Variants in CARM1 observed in about 807,000 individuals in gnomAD.
The protein encoded by CARM1 is histone-arginine methyltransferase CARM1.
Under a neutral mutation model 72.7 loss-of-function variants are expected in CARM1, and 14 were observed. The ratio of observed to expected loss-of-function variants is 0.19; its 90% CI spans 0.13 to 0.30. CARM1 has a LOEUF of 0.30. Ranked by LOEUF, CARM1 falls within the 10% of genes least tolerant of loss-of-function variation. The pLI is 1.00. For missense variants in CARM1, 432 were observed against 833.7 expected, an observed-to-expected ratio of 0.52 and a Z score of 5.93; for synonymous variants, 333 against 345.5, an observed-to-expected ratio of 0.96 and a Z score of 0.40.
At chr19:10,908,012 C>T (rs1215872244) in intron 2 of CARM1, 27 bp from the exon 3 acceptor site, 2 of 1,502,946 alleles carry the variant, frequency 1.3e-6, no homozygotes, top group Non-Finnish European at 1.9e-6. Context: ...CTGACCGCCC[C>T]CCGGTGACTT....
chr19:10,873,930 C>T (rs1358491739), intron 1 of CARM1, among the ~76,000 whole-genome samples: 3 of 152,162 alleles, frequency 2.0e-5, no homozygotes, highest in Middle Eastern at 3.4e-3. Context: ...TGAGCCACCC[C>T]GCCCGGCCAG....
At chr19:10,907,441 TTTGTTTTTGTTTTTTAACGAGGCAGGGTC>T in intron 2 of CARM1, among the ~76,000 whole-genome samples, 1 of 152,036 alleles carries the variant, frequency 6.6e-6, no homozygotes, top group South Asian at 2.1e-4. Flanking sequence ...ATTTCATGTT[TTTGTTTTTGTTTTTTAACGAGGCAGGGTC>T]TTGTTATGTT....
chr19:10,898,490 T>G (rs1238472834), intron 1 of CARM1, among the ~76,000 whole-genome samples: 1 of 152,200 alleles, frequency 6.6e-6, no homozygotes, highest in African/African-American at 2.4e-5. Flanking sequence ...ACAGTGGTGC[T>G]TTTTGGATTT....
intron 2 of CARM1, among the ~76,000 whole-genome samples, chr19:10,907,622 G>A (rs1206316943): frequency 6.6e-6 from 1 of 152,148 alleles, no homozygotes; most frequent in Non-Finnish European, 1.5e-5. Flanking sequence ...CATTTGTCCA[G>A]TCCCCTCTTA....
chr19:10,919,557 G>A (rs370693782), intron 8 of CARM1, 38 bp from the exon 9 acceptor site: 207 of 1,477,992 alleles, frequency 1.4e-4, no homozygotes, highest in Non-Finnish European at 1.8e-4. Context: ...TGCTGGCCCT[G>A]GCGTCAGATG....
rs948700494 is a variant in CARM1 at position 10,912,914 on chromosome 19, A to G, written c.669+620A>G. Among the ~76,000 whole-genome samples the G allele has an allele frequency of 1.3e-5, 2 of 152,134 alleles. No individual in the cohort carries two copies. The highest frequency in any genetic ancestry group is 2.9e-5 in the Non-Finnish European group (2 of 68,024). On this transcript the variant is annotated intron_variant, in intron 5 of 15. Coordinates refer to ENST00000327064, the MANE Select transcript of CARM1 (RefSeq NM_199141.2). This position sits in a 1 kb window ranked among gnomAD's most constrained non-coding sequence, Gnocchi z 4.5. ...CTGCTGTCCTGAGCCCCTCTCCCAC[A>G]TGCGGTTGTGTCTGTAGGACACACC...
rs772199260 is a variant in CARM1 at position 10,909,150 on chromosome 19, G to A, written c.501G>A (p.Val167=). 1 of 1,613,842 alleles carries A rather than the reference G, an allele frequency of 6.2e-7. No individual in the cohort carries two copies. Among genetic ancestry groups the A allele is most frequent in the Non-Finnish European group, 8.5e-7 (1 of 1,179,860 alleles). The change falls in exon 4 of 16, where the codon GTG becomes GTA. Residue 167 remains valine (V), a synonymous_variant. Coordinates refer to ENST00000327064, the MANE Select transcript of CARM1 (RefSeq NM_199141.2). ...SQQQNMMQDY[V]RTGTYQRAIL... is the part of the protein sequence containing the mutation. ...AGCAGAACATGATGCAGGACTACGT[G>A]CGGACAGGCACCTACCAGCGCGCCA... is the stretch of plus-strand genomic sequence containing the variant.
At position 10,871,666 on chromosome 19, in the gene CARM1, AGCG is replaced by A. The variant is rs1374309221; in HGVS notation, c.-23_-21del. On this transcript the variant is annotated 5_prime_UTR_variant, in exon 1 of 16. Transcript: ENST00000327064. The surrounding 1 kb of genome is among the most constrained non-coding windows in gnomAD (Gnocchi z 5.6). ...GCGGCGGCGGCCTGGGCCCGGGCGC[AGCG>A]GCGGCGGCGGCGGGGCCTGGAGCCG... 165 of 444,344 alleles carry A rather than the reference AGCG, an allele frequency of 3.7e-4. No individual in the cohort carries two copies. The highest frequency in any genetic ancestry group is 1.2e-3 in the Middle Eastern group (1 of 856). The allele number at this position is 444,344 out of a possible 1,614,324, so 27.5% of individuals were successfully genotyped here. A position where few individuals can be genotyped will look rare whatever the true frequency, so the allele number is the denominator to read the frequency against.
chr19:10,907,462 G>A (rs2145225337), intron 2 of CARM1, among the ~76,000 whole-genome samples: 2 of 151,956 alleles, frequency 1.3e-5, no homozygotes, highest in South Asian at 4.2e-4. Context: ...TTTTTAACGA[G>A]GCAGGGTCTT....
intron 1 of CARM1, among the ~76,000 whole-genome samples, chr19:10,895,777 A>G (rs1190829710): frequency 6.6e-6 from 1 of 152,208 alleles, no homozygotes; most frequent in Non-Finnish European, 1.5e-5. Context: ...GGTCATGCCC[A>G]GAGCCCTGGA....
At chr19:10,917,609 C>T (rs373009399) in intron 8 of CARM1, among the ~76,000 whole-genome samples, 1 of 152,186 alleles carries the variant, frequency 6.6e-6, no homozygotes, top group Non-Finnish European at 1.5e-5. Context: ...CATTCTTTCT[C>T]CTTCTGGGAT....
At chr19:10,907,488 C>G (rs1260705367) in intron 2 of CARM1, among the ~76,000 whole-genome samples, 1 of 151,922 alleles carries the variant, frequency 6.6e-6, no homozygotes, top group Non-Finnish European at 1.5e-5. Flanking sequence ...GTTGCTCAGG[C>G]TGGTCTGGAA....
At chr19:10,898,935 G>C (rs1463399907) in intron 1 of CARM1, among the ~76,000 whole-genome samples, 2 of 152,208 alleles carry the variant, frequency 1.3e-5, no homozygotes, top group East Asian at 3.8e-4. Flanking sequence ...GTGTGTCCAT[G>C]GGGAGGGGCC....
rs778425894 is a variant in CARM1, at chr19:10,921,694, C to T, written c.1764C>T (p.Gly588=). 1.4e-5 allele frequency: 22 copies of T among 1,613,534 alleles called. No individual in the cohort carries two copies. The highest frequency in any genetic ancestry group is 1.9e-5 in the Non-Finnish European group (22 of 1,179,882). ...TCAACAGCCAGTTCACCATGGGCGGCCCCGCCATCTCCATGGCGTCGCCCA... is the reference window on the plus strand; with the variant it reads ...TCAACAGCCAGTTCACCATGGGCGGTCCCGCCATCTCCATGGCGTCGCCCA... The part of the protein sequence containing the change: ...YAVNSQFTMG[G]PAISMASPMS... The change falls in exon 16 of 16, where the codon GGC becomes GGT. Residue 588 remains glycine, a synonymous_variant. Coordinates refer to ENST00000327064, the MANE Select transcript of CARM1 (RefSeq NM_199141.2).
chr19:10,917,332 C>T (rs1334519785), intron 8 of CARM1, among the ~76,000 whole-genome samples: 1 of 152,016 alleles, frequency 6.6e-6, no homozygotes. Context: ...AAAAAATTAG[C>T]CAGACGTGGT....
chr19:10,915,304 G>A lies in CARM1; in HGVS notation c.848-1103G>A, dbSNP rs1447401783. Among the ~76,000 whole-genome samples the A allele has an allele frequency of 6.6e-6, 1 of 152,112 alleles. No individual in the cohort carries two copies. Among genetic ancestry groups the A allele is most frequent in the African/African-American group, 2.4e-5 (1 of 41,418 alleles). On this transcript the variant is annotated intron_variant, in intron 6 of 15. Transcript: ENST00000327064. This position sits in a 1 kb window ranked among gnomAD's most constrained non-coding sequence, Gnocchi z 4.6. ...GGGTGGGGACAGCCCCAGCAGAGAG[G>A]GCCCCTCCCGATGGGACATGAAGCC...
At chr19:10,919,819 T>G in intron 9 of CARM1, 58 bp from the exon 10 acceptor site, 1 of 1,523,654 alleles carries the variant, frequency 6.6e-7, no homozygotes, top group Non-Finnish European at 9.1e-7. Context: ...GCACCCCCTC[T>G]TCTCTCTCGG....
chr19:10,892,337 A>C (rs1167652585), intron 1 of CARM1, among the ~76,000 whole-genome samples: 2 of 152,236 alleles, frequency 1.3e-5, no homozygotes, highest in Non-Finnish European at 2.9e-5. Context: ...GTGCCCGTTC[A>C]GGGCCATGGC....
At position 10,871,589 on chromosome 19, in the gene CARM1, A is replaced by AGCGGCGGCGGCGGCGGCGGCGGCG. The variant is rs1184781686; in HGVS notation, c.-87_-64dup. On this transcript the variant is annotated 5_prime_UTR_variant, in exon 1 of 16. Coordinates refer to ENST00000327064, the MANE Select transcript of CARM1 (RefSeq NM_199141.2). This position sits in a 1 kb window ranked among gnomAD's most constrained non-coding sequence, Gnocchi z 5.6. Reference sequence around the variant, plus strand: ...CGGCGGCTGCGGCGGCGGTAGCGGCAGCGGCGGCGGCGGCGGCGGCGGCGG... The same window carrying AGCGGCGGCGGCGGCGGCGGCGGCG: ...CGGCGGCTGCGGCGGCGGTAGCGGCAGCGGCGGCGGCGGCGGCGGCGGCGGCGGCGGCGGCGGCGGCGGCGGCGG... 1.8e-3 allele frequency: 216 copies of AGCGGCGGCGGCGGCGGCGGCGGCG among 117,070 alleles called. 2 individuals carry two copies. The highest frequency in any genetic ancestry group is 2.3e-3 in the South Asian group (8 of 3,492). The allele number at this position is 117,070 out of a possible 1,614,324, so 7.3% of individuals were successfully genotyped here.
Sources: allele counts gnomAD v4.1 joint callset (sites outside exome capture counted in the v4.1 genomes callset), GRCh38; gene constraint gnomAD v4.1.1; non-coding constraint Gnocchi (gnomAD v3.1); transcripts MANE v1.5; gene names NCBI Gene and HGNC (gene_info 2026-07-23, HGNC 2026-07-21).